The following ZRANB3 variants were observed in gnomAD, a reference collection of about 807,000 sequenced individuals.
ZRANB3 encodes the protein zinc finger RANBP2-type containing 3.
A neutral mutation model predicts 133.8 loss-of-function variants in ZRANB3; 125 were observed. The ratio of observed to expected loss-of-function variants is 0.93; its 90% CI spans 0.81 to 1.08. ZRANB3 has a LOEUF of 1.08. Ranked by LOEUF, ZRANB3 falls within the 50% of genes least tolerant of loss-of-function variation. The pLI is 0.00. For synonymous variants in ZRANB3, 387 were observed against 432.7 expected (o/e 0.89, Z 1.31); for missense variants, 1,229 against 1,275.5 (o/e 0.96, Z 0.56).
chr2:135,490,229 G>A (rs1048478025), intron 2 of ZRANB3, among the ~76,000 whole-genome samples: 3 of 152,088 alleles, frequency 2.0e-5, no homozygotes, highest in Non-Finnish European at 2.9e-5. Flanking sequence ...GATATTTTTA[G>A]AATACGAGAG....
At chr2:135,404,216 G>A (rs1258187494) in intron 2 of ZRANB3, among the ~76,000 whole-genome samples, 1 of 152,120 alleles carries the variant, frequency 6.6e-6, no homozygotes. Flanking sequence ...AAAATTAGAC[G>A]CATGGCTAAC....
intron 3 of ZRANB3, among the ~76,000 whole-genome samples, chr2:135,363,878 A>G (rs1306013602): frequency 2.0e-5 from 3 of 152,074 alleles, no homozygotes; most frequent in Non-Finnish European, 1.5e-5. Flanking sequence ...GATTTTTGAG[A>G]TCAGCCTGGG....
At chr2:135,408,887 A>G (rs908636628) in intron 2 of ZRANB3, among the ~76,000 whole-genome samples, 1 of 152,162 alleles carries the variant, frequency 6.6e-6, no homozygotes, top group African/African-American at 2.4e-5. Flanking sequence ...ATGACAAATT[A>G]GTGGGTGCAG....
chr2:135,441,050 A>G (rs1164774696), intron 2 of ZRANB3, among the ~76,000 whole-genome samples: 2 of 151,306 alleles, frequency 1.3e-5, no homozygotes, highest in Admixed American at 6.6e-5. Context: ...AAAGGGGCAG[A>G]AAAAAAAATA....
intron 8 of ZRANB3, among the ~76,000 whole-genome samples, chr2:135,291,256 C>G (rs1471094114): frequency 1.3e-5 from 2 of 152,060 alleles, no homozygotes; most frequent in Admixed American, 6.5e-5. Flanking sequence ...GATCTTGGCT[C>G]AAGGCAACCT....
chr2:135,357,245 C>T (rs1056259519), intron 3 of ZRANB3, among the ~76,000 whole-genome samples: 17 of 151,804 alleles, frequency 1.1e-4, no homozygotes, highest in African/African-American at 3.1e-4. Flanking sequence ...GGACTACAGG[C>T]GAGTGCCACC....
rs1194990659 is a variant in ZRANB3 at position 135,426,873 on chromosome 2, T to A, written c.162-36053A>T. On this transcript the variant is annotated intron_variant, in intron 2 of 20. Coordinates refer to ENST00000264159, the MANE Select transcript of ZRANB3 (RefSeq NM_032143.4). ...AAAAAAAAAAAAAAAAATATATATA[T>A]ATATATATATATATATATATATATA... Among the ~76,000 whole-genome samples the A allele has an allele frequency of 9.2e-4, 23 of 25,096 alleles. 2 individuals are homozygous for A. Among genetic ancestry groups the A allele is most frequent in the Admixed American group, 3.7e-3 (4 of 1,094 alleles). The allele number at this position is 25,096 out of a possible 152,430, so 16.5% of individuals were successfully genotyped here.
chr2:135,362,531 G>C (rs1402303558), intron 3 of ZRANB3, among the ~76,000 whole-genome samples: 1 of 152,220 alleles, frequency 6.6e-6, no homozygotes, highest in Non-Finnish European at 1.5e-5. Flanking sequence ...GATGGTGGCA[G>C]AACTTAAGTA....
At chr2:135,466,948 C>T (rs532530703) in intron 2 of ZRANB3, among the ~76,000 whole-genome samples, 3 of 152,190 alleles carry the variant, frequency 2.0e-5, no homozygotes, top group South Asian at 2.1e-4. Context: ...CGTGAGCTAC[C>T]GCGCCTGGCT....
chr2:135,231,836 T>C (rs1447743563), intron 12 of ZRANB3, among the ~76,000 whole-genome samples: 2 of 151,406 alleles, frequency 1.3e-5, no homozygotes, highest in Non-Finnish European at 2.9e-5. Context: ...GATGGCCGAA[T>C]AGGAACAGCT....
At chr2:135,232,159 C>T (rs770522207) in intron 12 of ZRANB3, among the ~76,000 whole-genome samples, 1 of 152,216 alleles carries the variant, frequency 6.6e-6, no homozygotes, top group Non-Finnish European at 1.5e-5. Flanking sequence ...GCGCCTGGCT[C>T]AGAGGGTCCT....
intron 1 of ZRANB3, chr2:135,511,361 C>T (rs1693444261): frequency 1.2e-6 from 1 of 813,536 alleles, no homozygotes; most frequent in African/African-American, 1.7e-5. Flanking sequence ...GATCAGGCTC[C>T]AGTTCAGCAA....
At chr2:135,414,674 C>A (rs549137050) in intron 2 of ZRANB3, among the ~76,000 whole-genome samples, 42 of 152,196 alleles carry the variant, frequency 2.8e-4, no homozygotes, top group Admixed American at 3.3e-4. Flanking sequence ...CCACACCACA[C>A]CTATTCCAAA....
chr2:135,271,937 C>CA, intron 9 of ZRANB3, 50 bp from the exon 10 acceptor site: 1 of 1,506,560 alleles, frequency 6.6e-7, no homozygotes, highest in Non-Finnish European at 8.9e-7. Context: ...CCTATGTACC[C>CA]ATCTCATTTT....
chr2:135,318,112 A>T (rs551644176), intron 6 of ZRANB3, among the ~76,000 whole-genome samples: 1 of 152,196 alleles, frequency 6.6e-6, no homozygotes, highest in Non-Finnish European at 1.5e-5. Context: ...GTCTGACTCC[A>T]AAGTCTTGCT....
At chr2:135,297,178 G>A (rs1682166413) in intron 8 of ZRANB3, among the ~76,000 whole-genome samples, 1 of 152,226 alleles carries the variant, frequency 6.6e-6, no homozygotes, top group South Asian at 2.1e-4. Flanking sequence ...CTCAGAGGTG[G>A]AGCCTACAGA....
At chr2:135,352,293 C>A (rs1685241715) in intron 4 of ZRANB3, among the ~76,000 whole-genome samples, 1 of 150,928 alleles carries the variant, frequency 6.6e-6, no homozygotes, top group Admixed American at 6.6e-5. Flanking sequence ...CATGGTGCCA[C>A]TGCATTCCAG....
chr2:135,288,669 C>T (rs1011412032), intron 8 of ZRANB3, among the ~76,000 whole-genome samples: 2 of 152,042 alleles, frequency 1.3e-5, no homozygotes, highest in African/African-American at 4.8e-5. Context: ...TCCATGTCTT[C>T]TAGGTTTTCT....
rs180799276 is a variant in ZRANB3, at chr2:135,319,211, T to C, written c.678-3681A>G. On this transcript the variant is annotated intron_variant, in intron 6 of 20. Transcript: ENST00000264159. ...AAAGTGAAGTACAAATATGAGTCTA[T>C]AATGAAAAAAACACAAGTTACACAA... Among the ~76,000 whole-genome samples the C allele has an allele frequency of 3.3e-5, 5 of 150,902 alleles. No individual in the cohort carries two copies. In the East Asian group the frequency reaches 5.8e-4, roughly 17 times the overall value.
Sources: gnomAD v4.1 joint callset for allele counts (sites outside exome capture counted in the v4.1 genomes callset) on GRCh38, gnomAD v4.1.1 for gene constraint, MANE v1.5 for transcripts, NCBI Gene and HGNC (gene_info 2026-07-23, HGNC 2026-07-21) for gene names.